SPTBN1: variants seen among roughly 807,000 people sequenced by gnomAD.
SPTBN1 encodes the protein spectrin beta, non-erythrocytic 1, also known as spectrin beta chain, non-erythrocytic 1.
In SPTBN1, 32 loss-of-function variants were observed where a neutral mutation model predicts 266.4. The ratio of observed to expected loss-of-function variants is 0.12; its 90% confidence interval spans 0.09 to 0.16. SPTBN1 has a LOEUF of 0.16. Among genes scored for constraint, SPTBN1 ranks in the 10% least tolerant of loss-of-function variants. The pLI is 1.00. For synonymous variants in SPTBN1, 1,336 were observed against 1,162.2 expected (o/e 1.15, Z -3.04); for missense variants, 2,296 against 3,067.1 (o/e 0.75, Z 5.94).
intron 7 of SPTBN1, 81 bp from the exon 8 acceptor site, chr2:54,621,319 C>T: frequency 1.1e-6 from 1 of 939,432 alleles, no homozygotes; most frequent in Non-Finnish European, 1.7e-6. Context: ...TGTTGACCAG[C>T]AGTCGTTGCA....
chr2:54,477,892 C>A (rs1315354774), intron 1 of SPTBN1, among the ~76,000 whole-genome samples: 1 of 150,130 alleles, frequency 6.7e-6, no homozygotes, highest in Non-Finnish European at 1.5e-5. Context: ...GCCTGGGTGA[C>A]AGAGTAAGAG....
At chr2:54,493,737 A>G (rs1668815459) in intron 1 of SPTBN1, among the ~76,000 whole-genome samples, 1 of 152,232 alleles carries the variant, frequency 6.6e-6, no homozygotes, top group South Asian at 2.1e-4. Flanking sequence ...GTTAAAATTG[A>G]AGAAGAGGGT....
intron 2 of SPTBN1, among the ~76,000 whole-genome samples, chr2:54,543,901 G>A (rs1672083411): frequency 6.6e-6 from 1 of 152,174 alleles, no homozygotes; most frequent in Non-Finnish European, 1.5e-5. Context: ...AGACAGGCTG[G>A]CTCTTACCGG....
chr2:54,563,644 C>A (rs1172246580), intron 2 of SPTBN1, among the ~76,000 whole-genome samples: 1 of 120,004 alleles, frequency 8.3e-6, no homozygotes, highest in Non-Finnish European at 1.6e-5. Flanking sequence ...CACCCTGTCG[C>A]TCAGGCTGGA....
intron 2 of SPTBN1, among the ~76,000 whole-genome samples, chr2:54,569,707 A>G (rs562371646): frequency 1.3e-5 from 2 of 152,306 alleles, no homozygotes; most frequent in African/African-American, 4.8e-5. Flanking sequence ...AGGTCATACA[A>G]ATTCTGTGTA....
chr2:54,548,629 C>A (rs560011147), intron 2 of SPTBN1, among the ~76,000 whole-genome samples: 157 of 152,338 alleles, frequency 1.0e-3, no homozygotes, highest in Non-Finnish European at 1.9e-3. Context: ...CTAGAAATGG[C>A]AGCAGGAATT....
At chr2:54,606,900 G>C (rs1676880139) in intron 3 of SPTBN1, among the ~76,000 whole-genome samples, 1 of 152,194 alleles carries the variant, frequency 6.6e-6, no homozygotes, top group Non-Finnish European at 1.5e-5. Context: ...CAGAATCAGA[G>C]TTACAGAATT....
rs1238798190 is a variant in SPTBN1, at chr2:54,653,951, C to G, written c.5822+98C>G. Reference sequence around the variant, plus strand: ...GCAGGAGCCTTGAAAGCGTTCCTGCCTGAGCGCTTCAAGGCCAGAGTGGGG... The same window carrying G: ...GCAGGAGCCTTGAAAGCGTTCCTGCGTGAGCGCTTCAAGGCCAGAGTGGGG... On this transcript the variant is annotated intron_variant, in intron 27 of 35. Coordinates refer to ENST00000356805, the MANE Select transcript of SPTBN1 (RefSeq NM_003128.3). The surrounding 1 kb of genome is among the most constrained non-coding windows in gnomAD (Gnocchi z 5.1). 6.6e-7 allele frequency: 1 copy of G among 1,522,196 alleles called. No homozygotes were observed. Among genetic ancestry groups the G allele is most frequent in the East Asian group, 2.3e-5 (1 of 42,848 alleles). 94.3% of individuals were successfully genotyped at this position (1,522,196 alleles called of 1,614,324 possible).
chr2:54,523,242 T>C (rs76044836), intron 1 of SPTBN1, among the ~76,000 whole-genome samples: 302 of 152,342 alleles, frequency 2.0e-3, no homozygotes, highest in African/African-American at 7.1e-3. Context: ...TTTTATGAAA[T>C]CCCATAAATA....
chr2:54,581,229 TTAATGA>T (rs1674875877), intron 2 of SPTBN1, among the ~76,000 whole-genome samples: 1 of 152,234 alleles, frequency 6.6e-6, no homozygotes, highest in South Asian at 2.1e-4. Context: ...CATAACAAAT[TTAATGA>T]TAATACAAGT....
At chr2:54,640,754 G>A (rs752502138) in intron 18 of SPTBN1, among the ~76,000 whole-genome samples, 1 of 152,210 alleles carries the variant, frequency 6.6e-6, no homozygotes, top group Non-Finnish European at 1.5e-5. Context: ...GTTTCACCCT[G>A]TTGGACAGGC....
intron 30 of SPTBN1, 44 bp from the exon 31 acceptor site, chr2:54,659,110 G>A (rs748484932): frequency 1.9e-6 from 3 of 1,603,828 alleles, no homozygotes; most frequent in Admixed American, 3.3e-5. Flanking sequence ...CTGAAAAGAG[G>A]CAGAGTTTGG....
chr2:54,607,492 T>C (rs1676924243), intron 3 of SPTBN1, among the ~76,000 whole-genome samples: 1 of 152,066 alleles, frequency 6.6e-6, no homozygotes. Context: ...GCGTGGTGAC[T>C]GGTGCCTATA....
chr2:54,566,185 C>CTTTTTTTTTTT (rs59369956), intron 2 of SPTBN1, among the ~76,000 whole-genome samples: 1 of 125,224 alleles, frequency 8.0e-6, no homozygotes, highest in Non-Finnish European at 1.6e-5. Context: ...TTTCTTTTTT[C>CTTTTTTTTTTT]TTTTTTTTTT....
chr2:54,637,808 G>A lies in SPTBN1; in HGVS notation c.3858+5G>A. 6.2e-7 allele frequency: 1 copy of A among 1,610,794 alleles called. No individual in the cohort carries two copies. Among genetic ancestry groups the A allele is most frequent in the Non-Finnish European group, 8.5e-7 (1 of 1,177,244 alleles). On this transcript the variant is annotated splice_donor_5th_base_variant and intron_variant, in intron 18 of 35. Transcript: ENST00000356805. ...TTCCTGCAAGATTGTCAAGAGGTAT[G>A]TTACTCTTTAATCCCTCTATTCCTG...
intron 1 of SPTBN1, among the ~76,000 whole-genome samples, chr2:54,493,001 CTTTTTTT>C (rs70944171): frequency 3.5e-5 from 4 of 112,896 alleles, no homozygotes; most frequent in African/African-American, 1.3e-4. Flanking sequence ...AATAACATAT[CTTTTTTT>C]TTTTTTTTTT....
intron 7 of SPTBN1, among the ~76,000 whole-genome samples, chr2:54,618,963 T>C (rs967960692): frequency 6.6e-6 from 1 of 152,228 alleles, no homozygotes; most frequent in Non-Finnish European, 1.5e-5. Flanking sequence ...ATCCTAATTC[T>C]GGGTTTCATT....
At chr2:54,647,316 T>C (rs925433957) in intron 24 of SPTBN1, 55 bp downstream of exon 24, 19 of 1,593,270 alleles carry the variant, frequency 1.2e-5, no homozygotes, top group Non-Finnish European at 1.5e-5. Context: ...TCAGTTAGGG[T>C]CTCTTGCTAA....
At chr2:54,575,388 T>G (rs891671419) in intron 2 of SPTBN1, among the ~76,000 whole-genome samples, 1 of 152,244 alleles carries the variant, frequency 6.6e-6, no homozygotes, top group Admixed American at 6.5e-5. Flanking sequence ...AGTAAATTCT[T>G]CCATTAAAAA....
Sources: allele counts gnomAD v4.1 joint callset (sites outside exome capture counted in the v4.1 genomes callset), GRCh38; gene constraint gnomAD v4.1.1; non-coding constraint Gnocchi (gnomAD v3.1); transcripts MANE v1.5; gene names NCBI Gene and HGNC (gene_info 2026-07-23, HGNC 2026-07-21).